The following NOS2 variants were observed in gnomAD, a reference collection of about 807,000 sequenced individuals.
NOS2 encodes nitric oxide synthase, inducible.
Under a neutral mutation model 136.0 loss-of-function variants are expected in NOS2, and 96 were observed. The ratio of observed to expected loss-of-function variants is 0.71; its 90% CI spans 0.60 to 0.84. The LOEUF (loss-of-function observed/expected upper bound fraction) is 0.84. Ranked by LOEUF, NOS2 falls within the 40% of genes least tolerant of loss-of-function variation. The probability of loss-of-function intolerance (pLI) is 0.00; values close to 1 mark genes in which losing one functional copy is unlikely to be tolerated. For synonymous variants in NOS2, 539 were observed against 587.5 expected, an observed-to-expected ratio of 0.92 and a Z score of 1.20; for missense variants, 1,237 against 1,496.9, an observed-to-expected ratio of 0.83 and a Z score of 2.87.
At chr17:27,767,577 A>G in intron 18 of NOS2, 128 bp downstream of exon 18, 3 of 1,082,198 alleles carry the variant, frequency 2.8e-6, no homozygotes, top group Admixed American at 2.7e-5. Flanking sequence ...AGGCTCTTGC[A>G]TGCAGTGAGA....
intron 2 of NOS2, 137 bp downstream of exon 2, chr17:27,798,563 G>A (rs1025072025): frequency 3.1e-6 from 2 of 649,114 alleles, no homozygotes; most frequent in African/African-American, 1.8e-5. Flanking sequence ...ATTCCAACAG[G>A]GACTTTCAAG....
intron 2 of NOS2, among the ~76,000 whole-genome samples, chr17:27,790,383 C>G (rs1012308159): frequency 4.0e-4 from 61 of 152,294 alleles, no homozygotes; most frequent in African/African-American, 1.3e-3. Flanking sequence ...CAGGAGCCAC[C>G]GCGCCCAGCC....
chr17:27,782,188 A>T, intron 6 of NOS2, 82 bp from the exon 7 acceptor site: 1 of 1,234,210 alleles, frequency 8.1e-7, no homozygotes, highest in Non-Finnish European at 1.2e-6. Flanking sequence ...ACTGGGAATC[A>T]ATAGTGCAGC....
rs1908095884 is a variant in NOS2 at position 27,760,735 on chromosome 17, G to A, written c.2898C>T (p.Gly966=). ...GGGAGGGATCCTCGGGGAGGTGGAA[G>A]CCGCTGGCACTGAAGAGGACAGGAG... ...PVPCFVRNAS[G]FHLPEDPSHP... The change falls in exon 24 of 27, where the codon GGC becomes GGT. Residue 966 remains glycine, a synonymous_variant. Coordinates refer to ENST00000313735, the MANE Select transcript of NOS2 (RefSeq NM_000625.4). 5.2e-6 allele frequency: 8 copies of A among 1,549,854 alleles called. No individual in the cohort carries two copies. The East Asian group carries it at 9.8e-5, about 19-fold the overall frequency.
intron 2 of NOS2, among the ~76,000 whole-genome samples, chr17:27,790,282 TG>T (rs1909149822): frequency 6.6e-6 from 1 of 152,082 alleles, no homozygotes; most frequent in African/African-American, 2.4e-5. Context: ...TTGGTAGAGA[TG>T]GGGTTTCACC....
chr17:27,783,353 T>C (rs1385724843), intron 5 of NOS2, among the ~76,000 whole-genome samples: 1 of 152,204 alleles, frequency 6.6e-6, no homozygotes, highest in Non-Finnish European at 1.5e-5. Context: ...CACATTTTCA[T>C]TTTTACATTG....
intron 20 of NOS2, 116 bp downstream of exon 20, chr17:27,765,419 C>A (rs1267038249): frequency 2.1e-6 from 2 of 950,284 alleles, no homozygotes; most frequent in Non-Finnish European, 3.1e-6. Context: ...GGTGGCCCGC[C>A]CTCTCAGCAG....
rs550166266 is a variant in NOS2 at position 27,758,914 on chromosome 17, C to T, written c.3321G>A (p.Glu1107=). The part of the protein sequence containing the change: ...QLVAAKLKLN[E]EQVEDYFFQL... ...GAAAGAAATAGTCCTCGACCTGCTC[C>T]TCATTCAATTTCAGCTTGGCAGCCA... Residue 1107 remains glutamate, a synonymous_variant, in exon 26 of 27, where the codon GAG becomes GAA. Transcript: ENST00000313735. 41 of 1,610,026 alleles carry T rather than the reference C, an allele frequency of 2.5e-5. No individual in the cohort carries two copies. Among genetic ancestry groups the T allele is most frequent in the Non-Finnish European group, 3.5e-5 (41 of 1,178,214 alleles).
intron 14 of NOS2, among the ~76,000 whole-genome samples, chr17:27,771,486 C>G (rs192227471): frequency 3.9e-4 from 59 of 152,370 alleles, no homozygotes; most frequent in Non-Finnish European, 6.8e-4. Flanking sequence ...CAGTTCCAGA[C>G]TCCTGGGAGC....
At position 27,787,821 on chromosome 17, in the gene NOS2, TA is replaced by T; in HGVS notation, c.323del (p.Leu108Ter). ...DTLHHKAKGI[L>X]TCRSKSCLGS... is the part of the protein sequence containing the mutation. ...CCAGGCAAGATTTGGACCTGCAAGTTAAAATCTGGAAAGAGAGAGGCAGGTG... is the reference window on the plus strand; with the variant it reads ...CCAGGCAAGATTTGGACCTGCAAGTTAAATCTGGAAAGAGAGAGGCAGGTG... On this transcript the variant is annotated frameshift_variant, in exon 5 of 27. Transcript: ENST00000313735. LOFTEE classifies it high-confidence loss of function. 1 of 1,609,594 alleles carries T rather than the reference TA, an allele frequency of 6.2e-7. No individual in the cohort carries two copies. The highest frequency in any genetic ancestry group is 8.5e-7 in the Non-Finnish European group (1 of 1,177,944).
intron 20 of NOS2, among the ~76,000 whole-genome samples, chr17:27,764,622 G>C (rs1322073018): frequency 1.3e-5 from 2 of 152,186 alleles, no homozygotes; most frequent in South Asian, 2.1e-4. Context: ...ACAGACCCTG[G>C]TGCCAGAAGA....
chr17:27,769,213 C>T (rs1908410048), intron 16 of NOS2, 62 bp from the exon 17 acceptor site: 2 of 1,479,840 alleles, frequency 1.4e-6, no homozygotes, highest in South Asian at 2.6e-5. Context: ...ACCCAGCACC[C>T]AGCACCAACA....
chr17:27,794,962 CT>C (rs1216157454), intron 2 of NOS2, among the ~76,000 whole-genome samples: 1 of 152,172 alleles, frequency 6.6e-6, no homozygotes, highest in African/African-American at 2.4e-5. Context: ...ATGTTGCACT[CT>C]GGGTGGACCC....
Position 27,798,730 on chromosome 17 carries a change from T to A in NOS2, c.80A>T (p.Asn27Ile), listed in dbSNP as rs1909436670. The A allele has an allele frequency of 6.2e-7, 1 of 1,612,932 alleles. No individual in the cohort carries two copies. Among genetic ancestry groups the A allele is most frequent in the Non-Finnish European group, 8.5e-7 (1 of 1,179,030 alleles). ...GGTGGCACAGGGGGCTTTCTCCACATTGTTGTTGATGTCTTTTTCCCCATT... is the reference window on the plus strand; with the variant it reads ...GGTGGCACAGGGGGCTTTCTCCACAATGTTGTTGATGTCTTTTTCCCCATT... ...AMNGEKDINN[N>I]VEKAPCATSS... The change falls in exon 2 of 27, where the codon AAT becomes ATT. Residue 27 changes from asparagine (N) to isoleucine (I), a missense_variant. This residue lies in a region of NOS2 where 440 missense variants were observed against 545.4 expected (regional missense o/e 0.81). Coordinates refer to ENST00000313735, the MANE Select transcript of NOS2 (RefSeq NM_000625.4).
intron 14 of NOS2, among the ~76,000 whole-genome samples, chr17:27,771,387 AGGGAATGGCCGG>A (rs1908489163): frequency 6.6e-6 from 1 of 152,200 alleles, no homozygotes; most frequent in Non-Finnish European, 1.5e-5. Flanking sequence ...CTGTGCCTGG[AGGGAATGGCCGG>A]GGAAATGTGC....
intron 5 of NOS2, among the ~76,000 whole-genome samples, chr17:27,784,473 C>T (rs1275195305): frequency 6.6e-6 from 1 of 152,208 alleles, no homozygotes; most frequent in Non-Finnish European, 1.5e-5. Context: ...GCAATATTCC[C>T]CCCTCTGCAC....
intron 2 of NOS2, among the ~76,000 whole-genome samples, chr17:27,797,438 T>C (rs1427451828): frequency 6.6e-6 from 1 of 152,248 alleles, no homozygotes; most frequent in Non-Finnish European, 1.5e-5. Context: ...GAGGAGGAAA[T>C]TGAGGCTCAG....
intron 14 of NOS2, among the ~76,000 whole-genome samples, chr17:27,771,391 A>G (rs759689303): frequency 1.3e-5 from 2 of 152,194 alleles, no homozygotes; most frequent in Non-Finnish European, 2.9e-5. Flanking sequence ...GCCTGGAGGG[A>G]ATGGCCGGGG....
rs756812497 is a variant in NOS2, at chr17:27,769,057, G to A, written c.1954C>T (p.Gln652Ter). 8 of 1,612,640 alleles carry A rather than the reference G, an allele frequency of 5.0e-6. No homozygotes were observed. Among genetic ancestry groups the A allele is most frequent in the East Asian group, 4.5e-5 (2 of 44,866 alleles). The change falls in exon 17 of 27, where the codon CAG becomes TAG. Residue 652 changes from glutamine (Q) to a stop codon, truncating the protein, a stop_gained. Coordinates refer to ENST00000313735, the MANE Select transcript of NOS2 (RefSeq NM_000625.4). LOFTEE classifies it high-confidence loss of function. ...DQKLSHLGAS[Q>*]LTPMGEGDEL... is the part of the protein sequence containing the mutation. ...TCCCCTTCTCCCATCGGGGTGAGCTGAGAGGCCCCCAGGTGGGACAGCTTC... is the reference window on the plus strand; with the variant it reads ...TCCCCTTCTCCCATCGGGGTGAGCTAAGAGGCCCCCAGGTGGGACAGCTTC...
Sources: allele counts gnomAD v4.1 joint callset (sites outside exome capture counted in the v4.1 genomes callset), GRCh38; gene constraint gnomAD v4.1.1; regional missense constraint gnomAD v4.1.1; transcripts MANE v1.5; gene names NCBI Gene and HGNC (gene_info 2026-07-23, HGNC 2026-07-21).